LIPI: variants seen among roughly 807,000 people sequenced by gnomAD.
LIPI encodes the protein lipase I.
A neutral mutation model predicts 50.6 loss-of-function variants in LIPI; 59 were observed. That is an observed-to-expected ratio of 1.16 (90% confidence interval 0.94 to 1.45). The LOEUF is 1.45. LIPI is among the 40% of genes most tolerant of loss of function. The pLI is 0.00. For missense variants in LIPI, 586 were observed against 536.3 expected, an observed-to-expected ratio of 1.09 and a Z score of -0.92; for synonymous variants, 203 against 178.2, an observed-to-expected ratio of 1.14 and a Z score of -1.11.
intron 9 of LIPI, among the ~76,000 whole-genome samples, chr21:14,134,281 G>A (rs1000612427): frequency 6.6e-6 from 1 of 151,994 alleles, no homozygotes; most frequent in Non-Finnish European, 1.5e-5. Flanking sequence ...AATTACTGAT[G>A]AGAGAAATCA....
chr21:14,196,350 A>ATT (rs2019852245), intron 1 of LIPI, among the ~76,000 whole-genome samples: 1 of 152,214 alleles, frequency 6.6e-6, no homozygotes, highest in African/African-American at 2.4e-5. Flanking sequence ...TGTATATGAA[A>ATT]TTCTATAAAA....
chr21:14,170,967 C>T lies in LIPI; in HGVS notation c.644-4516G>A, dbSNP rs533426943. ...ACATGATTGTATATCTAGAAAACCCCATTTTCTCAGCCCAAAATCTCCTTA... is the reference window on the plus strand; with the variant it reads ...ACATGATTGTATATCTAGAAAACCCTATTTTCTCAGCCCAAAATCTCCTTA... On this transcript the variant is annotated intron_variant, in intron 4 of 9. Coordinates refer to ENST00000681601, the MANE Select transcript of LIPI (RefSeq NM_001302998.2). Among the ~76,000 whole-genome samples, 1,475 of 151,776 alleles carry T rather than the reference C, an allele frequency of 9.7e-3. 12 individuals carry two copies. The highest frequency in any genetic ancestry group is 0.033 in the African/African-American group (1,382 of 41,312).
At chr21:14,183,528 G>A (rs2019346849) in intron 3 of LIPI, among the ~76,000 whole-genome samples, 1 of 152,162 alleles carries the variant, frequency 6.6e-6, no homozygotes, top group Admixed American at 6.5e-5. Flanking sequence ...TACCATCAGA[G>A]TGAACAGGCA....
intron 3 of LIPI, among the ~76,000 whole-genome samples, chr21:14,185,102 T>C (rs2019406550): frequency 6.6e-6 from 1 of 152,178 alleles, no homozygotes; most frequent in African/African-American, 2.4e-5. Flanking sequence ...ATCCTCCTAT[T>C]CCTAAAGTCA....
chr21:14,161,778 A>G (rs12482107), intron 7 of LIPI, among the ~76,000 whole-genome samples: 4,256 of 18,834 alleles, frequency 0.23, 1,509 homozygotes, highest in African/African-American at 0.5. Context: ...ATATATTAAT[A>G]TATAATATAT....
chr21:14,172,658 T>C (rs866332745), intron 4 of LIPI, among the ~76,000 whole-genome samples: 2,588 of 151,772 alleles, frequency 0.017, 72 homozygotes, highest in African/African-American at 0.059. Context: ...TAGGTGGGAA[T>C]TGAACAATGA....
At chr21:14,167,269 C>T (rs575601864) in intron 4 of LIPI, among the ~76,000 whole-genome samples, 4 of 152,216 alleles carry the variant, frequency 2.6e-5, no homozygotes, top group Non-Finnish European at 5.9e-5. Flanking sequence ...TCTGTAGGCT[C>T]CACCTCTAGG....
chr21:14,169,415 A>T (rs1293340430), intron 4 of LIPI, among the ~76,000 whole-genome samples: 6 of 152,070 alleles, frequency 3.9e-5, no homozygotes, highest in South Asian at 2.1e-4. Context: ...TATACATTTT[A>T]TTCAGCACCA....
At chr21:14,141,505 G>A (rs1409232758) in intron 9 of LIPI, among the ~76,000 whole-genome samples, 1 of 151,836 alleles carries the variant, frequency 6.6e-6, no homozygotes, top group African/African-American at 2.4e-5. Flanking sequence ...AGAACATTGA[G>A]CAATGCTTTA....
intron 9 of LIPI, among the ~76,000 whole-genome samples, chr21:14,134,401 A>G (rs2017414977): frequency 6.6e-6 from 1 of 152,200 alleles, no homozygotes; most frequent in African/African-American, 2.4e-5. Context: ...TACAATTTCT[A>G]TTGGATTACC....
intron 6 of LIPI, among the ~76,000 whole-genome samples, chr21:14,164,517 G>C (rs549616600): frequency 3.3e-5 from 5 of 152,148 alleles, no homozygotes; most frequent in African/African-American, 1.2e-4. Flanking sequence ...CCTATTCCTC[G>C]AACCCCTTTG....
intron 6 of LIPI, among the ~76,000 whole-genome samples, chr21:14,163,777 G>T (rs866243602): frequency 1.3e-5 from 2 of 151,756 alleles, no homozygotes; most frequent in Admixed American, 1.3e-4. Context: ...TACTCCATCC[G>T]TATGGCTATA....
At chr21:14,163,269 A>G (rs34992986) in intron 7 of LIPI, 150 bp downstream of exon 7, 47,659 of 552,198 alleles carry the variant, frequency 0.086, 3,134 homozygotes, top group East Asian at 0.22. Context: ...TCCTTAGTTG[A>G]ATTTGTCCCA....
chr21:14,187,195 C>T (rs1372636277), intron 2 of LIPI, among the ~76,000 whole-genome samples: 1 of 152,102 alleles, frequency 6.6e-6, no homozygotes, highest in Non-Finnish European at 1.5e-5. Context: ...CGTCTGAATA[C>T]CTCTTAGTCT....
At chr21:14,155,144 C>A (rs568506205) in intron 7 of LIPI, among the ~76,000 whole-genome samples, 2 of 151,912 alleles carry the variant, frequency 1.3e-5, no homozygotes, top group African/African-American at 4.8e-5. Flanking sequence ...GTGGCTCCAT[C>A]GTGCAATGAA....
intron 9 of LIPI, among the ~76,000 whole-genome samples, chr21:14,125,248 A>G (rs952179670): frequency 1.3e-5 from 2 of 152,212 alleles, no homozygotes; most frequent in Non-Finnish European, 2.9e-5. Flanking sequence ...TTAATTATTT[A>G]TATCTCTTTA....
intron 4 of LIPI, among the ~76,000 whole-genome samples, chr21:14,176,358 C>A (rs2019097121): frequency 6.6e-6 from 1 of 151,698 alleles, no homozygotes; most frequent in Admixed American, 6.6e-5. Flanking sequence ...GTGTTTCTAT[C>A]GTTTAATTCT....
chr21:14,174,956 T>C (rs78966016), intron 4 of LIPI, among the ~76,000 whole-genome samples: 4,928 of 152,346 alleles, frequency 0.032, 207 homozygotes, highest in East Asian at 0.23. Context: ...TGTAGGCTTT[T>C]GTTTCTGGCT....
Position 14,144,687 on chromosome 21 carries a change from G to T in LIPI, c.1231C>A (p.Gln411Lys). 6.3e-7 allele frequency: 1 copy of T among 1,580,936 alleles called. No homozygotes were observed. The highest frequency in any genetic ancestry group is 8.7e-7 in the Non-Finnish European group (1 of 1,150,398). Residue 411 changes from glutamine (Q) to lysine (K), a missense_variant, in exon 9 of 10, where the codon CAG becomes AAG. By Grantham distance (53) the Gln-to-Lys change is moderately conservative (BLOSUM62 1). Transcript: ENST00000681601. Reference sequence around the variant, plus strand: ...ATCTTGTATGTGCATGTGGAACACTGCAGATTTGAGCTCTGGAAATATGTC... The same window carrying T: ...ATCTTGTATGTGCATGTGGAACACTTCAGATTTGAGCTCTGGAAATATGTC... ...GLTYFQSSNL[Q>K]CSTCTYKIQS...
Sources: allele counts gnomAD v4.1 joint callset (sites outside exome capture counted in the v4.1 genomes callset), GRCh38; gene constraint gnomAD v4.1.1; transcripts MANE v1.5; gene names NCBI Gene and HGNC (gene_info 2026-07-23, HGNC 2026-07-21).